The following ZBTB7C variants were observed in gnomAD, a reference collection of about 807,000 sequenced individuals.
ZBTB7C encodes zinc finger and BTB domain-containing protein 7C.
A neutral mutation model predicts 25.7 loss-of-function variants in ZBTB7C; 8 were observed. The observed-to-expected ratio is 0.31, with a 90% CI of 0.18 to 0.56. The LOEUF (loss-of-function observed/expected upper bound fraction) is 0.56, where lower values mean the gene tolerates loss of function less well. Ranked by LOEUF, ZBTB7C falls within the 20% of genes least tolerant of loss-of-function variation. The pLI, the probability that ZBTB7C is intolerant of heterozygous loss-of-function variation, is 0.91. For missense variants in ZBTB7C, 824 were observed against 855.2 expected, an observed-to-expected ratio of 0.96 and a Z score of 0.46; for synonymous variants, 394 against 369.0, an observed-to-expected ratio of 1.07 and a Z score of -0.78.
chr18:48,138,842 C>T (rs1364647941), intron 3 of ZBTB7C, among the ~76,000 whole-genome samples: 1 of 152,188 alleles, frequency 6.6e-6, no homozygotes, highest in African/African-American at 2.4e-5. Flanking sequence ...GTAAAGGTGC[C>T]AACACATGAC....
intron 3 of ZBTB7C, among the ~76,000 whole-genome samples, chr18:48,178,688 C>T (rs2041770747): frequency 1.3e-5 from 2 of 152,136 alleles, no homozygotes; most frequent in African/African-American, 2.4e-5. Context: ...ATCGTCAGAG[C>T]GGGTCTGGCA....
At chr18:48,198,515 T>C (rs1275427572) in intron 2 of ZBTB7C, among the ~76,000 whole-genome samples, 1 of 152,154 alleles carries the variant, frequency 6.6e-6, no homozygotes, top group Non-Finnish European at 1.5e-5. Context: ...TCAGGAAGAA[T>C]TGTTTCCTTG....
chr18:48,344,685 T>C (rs1167862691), intron 1 of ZBTB7C, among the ~76,000 whole-genome samples: 1 of 152,224 alleles, frequency 6.6e-6, no homozygotes, highest in Non-Finnish European at 1.5e-5. Flanking sequence ...ATAAAAATAA[T>C]GCTTATTGAG....
intron 2 of ZBTB7C, among the ~76,000 whole-genome samples, chr18:48,317,772 G>A (rs904076575): frequency 1.3e-5 from 2 of 152,144 alleles, no homozygotes; most frequent in African/African-American, 4.8e-5. Flanking sequence ...TCTCAATCCT[G>A]GCTAACAAAA....
intron 1 of ZBTB7C, among the ~76,000 whole-genome samples, chr18:48,403,521 A>G (rs1408591137): frequency 6.6e-6 from 1 of 152,240 alleles, no homozygotes; most frequent in Non-Finnish European, 1.5e-5. Flanking sequence ...TATTCACAGC[A>G]GAACAGTGCC....
chr18:48,155,428 C>T (rs1418647626), intron 3 of ZBTB7C, among the ~76,000 whole-genome samples: 3 of 148,956 alleles, frequency 2.0e-5, no homozygotes, highest in South Asian at 2.1e-4. Context: ...CCCGGGTTCA[C>T]GCCATTCTCC....
rs561186012 is a variant in ZBTB7C at position 48,151,178 on chromosome 18, A to C, written c.-17+34756T>G. Reference sequence around the variant, plus strand: ...GGATGGGAGCAGGAGGAGGTTTTCAACTGCTGGATTGCATCTGAAGCATGT... The same window carrying C: ...GGATGGGAGCAGGAGGAGGTTTTCACCTGCTGGATTGCATCTGAAGCATGT... On this transcript the variant is annotated intron_variant, in intron 3 of 4. Transcript: ENST00000590800. Among the ~76,000 whole-genome samples the C allele has an allele frequency of 3.9e-5, 6 of 152,208 alleles. No homozygotes were observed. In the South Asian group the frequency reaches 1.2e-3, roughly 32 times the overall value.
At chr18:48,080,811 C>T (rs1018622099) in intron 3 of ZBTB7C, among the ~76,000 whole-genome samples, 2 of 152,212 alleles carry the variant, frequency 1.3e-5, no homozygotes, top group African/African-American at 4.8e-5. Context: ...CCAGGCAACC[C>T]GAGAGCCCCA....
intron 2 of ZBTB7C, among the ~76,000 whole-genome samples, chr18:48,335,471 AC>A (rs2046438067): frequency 6.6e-6 from 1 of 152,166 alleles, no homozygotes; most frequent in South Asian, 2.1e-4. Flanking sequence ...AGTTGCTGAG[AC>A]CTGGAGTCAG....
chr18:48,039,251 G>A (rs1479465554), intron 4 of ZBTB7C, among the ~76,000 whole-genome samples: 1 of 152,198 alleles, frequency 6.6e-6, no homozygotes, highest in Non-Finnish European at 1.5e-5. Flanking sequence ...CAAAATGATT[G>A]AGAGGACCTA....
intron 4 of ZBTB7C, among the ~76,000 whole-genome samples, chr18:48,034,509 TTCCTCCCAGCCCTCC>T (rs1210354126): frequency 6.6e-6 from 1 of 151,972 alleles, no homozygotes; most frequent in Non-Finnish European, 1.5e-5. Context: ...CCCAGCCCTC[TTCCTCCCAGCCCTCC>T]TCCTCCCAGC....
intron 1 of ZBTB7C, among the ~76,000 whole-genome samples, chr18:48,353,269 A>G (rs1041052626): frequency 1.3e-5 from 2 of 152,198 alleles, no homozygotes; most frequent in Non-Finnish European, 2.9e-5. Flanking sequence ...AGCTATGTCC[A>G]GGTCTTCTGC....
At chr18:48,359,782 T>C (rs1295711108) in intron 1 of ZBTB7C, among the ~76,000 whole-genome samples, 1 of 152,206 alleles carries the variant, frequency 6.6e-6, no homozygotes, top group African/African-American at 2.4e-5. Context: ...TCATTTGTGC[T>C]GAGGCCAGGG....
chr18:48,151,579 G>A (rs555774821), intron 3 of ZBTB7C, among the ~76,000 whole-genome samples: 17 of 152,288 alleles, frequency 1.1e-4, no homozygotes, highest in African/African-American at 4.1e-4. Flanking sequence ...GACCTGCCCA[G>A]AGCTACACAC....
At chr18:48,186,531 T>C (rs1278849495) in intron 2 of ZBTB7C, among the ~76,000 whole-genome samples, 1 of 152,142 alleles carries the variant, frequency 6.6e-6, no homozygotes, top group Non-Finnish European at 1.5e-5. Flanking sequence ...AGAAAATGCA[T>C]CGGGGAGGTT....
At chr18:48,143,548 C>A (rs79485488) in intron 3 of ZBTB7C, among the ~76,000 whole-genome samples, 3,117 of 152,252 alleles carry the variant, frequency 0.02, 113 homozygotes, top group African/African-American at 0.072. Flanking sequence ...TAGCTGCAAA[C>A]TGTCATCATG....
chr18:48,075,508 T>C (rs2088752182), intron 3 of ZBTB7C, among the ~76,000 whole-genome samples: 1 of 152,188 alleles, frequency 6.6e-6, no homozygotes, highest in Non-Finnish European at 1.5e-5. Context: ...GCAGCCCTTC[T>C]TCCCTCACCG....
chr18:48,242,288 T>TTGAA (rs2043551013), intron 2 of ZBTB7C, among the ~76,000 whole-genome samples: 1 of 152,072 alleles, frequency 6.6e-6, no homozygotes, highest in South Asian at 2.1e-4. Context: ...TTGGTACCAA[T>TTGAA]CCTATTGAAA....
At chr18:48,120,214 A>G (rs2039583130) in intron 3 of ZBTB7C, among the ~76,000 whole-genome samples, 1 of 152,186 alleles carries the variant, frequency 6.6e-6, no homozygotes, top group South Asian at 2.1e-4. Context: ...TTATGGTTTA[A>G]AAGATGACTC....
Sources: allele counts gnomAD v4.1 joint callset (sites outside exome capture counted in the v4.1 genomes callset), GRCh38; gene constraint gnomAD v4.1.1; transcripts MANE v1.5; gene names NCBI Gene and HGNC (gene_info 2026-07-23, HGNC 2026-07-21).